Variants in FGFR3 observed in about 807,000 individuals in gnomAD.
FGFR3 encodes the protein fibroblast growth factor receptor 3.
A neutral mutation model predicts 82.9 loss-of-function variants in FGFR3; 25 were observed. The observed-to-expected ratio is 0.30, with a 90% CI of 0.22 to 0.42. The LOEUF (loss-of-function observed/expected upper bound fraction) is 0.42. Ranked by LOEUF, FGFR3 falls within the 10% of genes least tolerant of loss-of-function variation. The pLI is 1.00. For synonymous variants in FGFR3, 620 were observed against 516.0 expected (o/e 1.20, Z -2.73); for missense variants, 1,026 against 1,161.0 (o/e 0.88, Z 1.69).
chr4:1,797,477 G>A (rs564422054), intron 2 of FGFR3, among the ~76,000 whole-genome samples: 2 of 152,290 alleles, frequency 1.3e-5, no homozygotes, highest in African/African-American at 2.4e-5. Context: ...TGTGTCCCCC[G>A]TCCCCCCGTG....
Position 1,807,021 on chromosome 4 carries a change from G to A in FGFR3, c.2274+87G>A. The stretch of plus-strand genomic sequence containing the variant: ...ATCCTGCCCCCCAGAGTGCTGAGGT[G>A]TGGGGCGGGCCTTCTGGGGCACAGC... On this transcript the variant is annotated intron_variant, in intron 17 of 17. Transcript: ENST00000440486. The A allele has an allele frequency of 3.2e-6, 5 of 1,551,588 alleles. No individual in the cohort carries two copies. The South Asian group carries it at 4.7e-5, about 15-fold the overall frequency.
At chr4:1,799,116 C>G in intron 2 of FGFR3, 138 bp from the exon 3 acceptor site, 1 of 1,226,516 alleles carries the variant, frequency 8.2e-7, no homozygotes, top group Non-Finnish European at 1.2e-6. Flanking sequence ...GACACAGTTT[C>G]CAGCCCCTGG....
At position 1,806,205 on chromosome 4, in the gene FGFR3, G is replaced by A. The variant is rs1374024058; in HGVS notation, c.1959+32G>A. ...CCGGCCCTGGGGTGCGGGGGTGGGGGTCATGCCAGTAGGACGCCTGGCGCC... is the reference window on the plus strand; with the variant it reads ...CCGGCCCTGGGGTGCGGGGGTGGGGATCATGCCAGTAGGACGCCTGGCGCC... On this transcript the variant is annotated intron_variant, in intron 14 of 17. Transcript: ENST00000440486. The A allele has an allele frequency of 5.0e-6, 8 of 1,612,754 alleles. No individual in the cohort carries two copies. The East Asian group carries it at 1.6e-4, about 31-fold the overall frequency.
rs1273393720 is a variant in FGFR3 at position 1,808,245 on chromosome 4, C to G, written c.*983C>G. 2 of 232,668 alleles carry G rather than the reference C, an allele frequency of 8.6e-6. No individual in the cohort carries two copies. Among genetic ancestry groups the G allele is most frequent in the Non-Finnish European group, 1.7e-5 (2 of 117,744 alleles). 14.4% of individuals were successfully genotyped at this position (232,668 alleles called of 1,614,324 possible). ...TTTATCCCGCCGATAGAGGGACGGC[C>G]AAGAATGTACGTCCAGCCTGCCCCG... is the stretch of plus-strand genomic sequence containing the variant. On this transcript the variant is annotated 3_prime_UTR_variant, in exon 18 of 18. Transcript: ENST00000440486.
Position 1,807,443 on chromosome 4 carries a change from G to C in FGFR3, c.*181G>C, listed in dbSNP as rs1368752075. On this transcript the variant is annotated 3_prime_UTR_variant, in exon 18 of 18. Transcript: ENST00000440486. ...TGCACATCCGCGTGTGCCTGTGTGC[G>C]TGCGCATCTTGCCTCCAGGTGCAGA... The C allele has an allele frequency of 1.0e-6, 1 of 964,392 alleles. No individual in the cohort carries two copies. The highest frequency in any genetic ancestry group is 2.6e-5 in the East Asian group (1 of 38,302). 59.7% of individuals were successfully genotyped at this position (964,392 alleles called of 1,614,324 possible). A position where few individuals can be genotyped will look rare whatever the true frequency, so the allele number is the denominator to read the frequency against.
rs1721475085 is a variant in FGFR3 at position 1,803,575 on chromosome 4, G to A, written c.931-117G>A. ...GGCGGTGACCAAGTTGGCGGTGGCT[G>A]AGGAGTTGGTGGTGGCGGCGTTTTC... On this transcript the variant is annotated intron_variant, in intron 7 of 17. Transcript: ENST00000440486. 5 of 1,507,922 alleles carry A rather than the reference G, an allele frequency of 3.3e-6. No homozygotes were observed. In the African/African-American group the frequency reaches 5.5e-5, roughly 17 times the overall value. The allele number at this position is 1,507,922 out of a possible 1,614,324, so 93.4% of individuals were successfully genotyped here.
intron 2 of FGFR3, among the ~76,000 whole-genome samples, chr4:1,794,416 G>A (rs2108753711): frequency 6.6e-6 from 1 of 152,308 alleles, no homozygotes; most frequent in Admixed American, 6.5e-5. Context: ...CATTGTTGGC[G>A]TCCCCCTCCC....
At chr4:1,793,670 G>C (rs1720103637) in intron 1 of FGFR3, among the ~76,000 whole-genome samples, 163 bp from the exon 2 acceptor site, 1 of 149,110 alleles carries the variant, frequency 6.7e-6, no homozygotes, top group South Asian at 2.1e-4. Context: ...GGGAGGGACC[G>C]CGGCGGGGAG....
At position 1,794,000 on chromosome 4, in the gene FGFR3, G is replaced by C. The variant is rs941491218; in HGVS notation, c.66G>C (p.Ser22=). 8 of 1,395,354 alleles carry C rather than the reference G, an allele frequency of 5.7e-6. No homozygotes were observed. In the African/African-American group the frequency reaches 1.2e-4, roughly 21 times the overall value. 86.4% of individuals were successfully genotyped at this position (1,395,354 alleles called of 1,614,324 possible). Residue 22 remains serine (S), a synonymous_variant, in exon 2 of 18, where the codon TCG becomes TCC. Coordinates refer to ENST00000440486, the MANE Select transcript of FGFR3 (RefSeq NM_000142.5). ...VAVAIVAGAS[S]ESLGTEQRVV... Reference sequence around the variant, plus strand: ...TGGCCATCGTGGCCGGCGCCTCCTCGGAGTCCTTGGGGACGGAGCAGCGCG... The same window carrying C: ...TGGCCATCGTGGCCGGCGCCTCCTCCGAGTCCTTGGGGACGGAGCAGCGCG...
rs538859353 is a variant in FGFR3 at position 1,805,826 on chromosome 4, C to A, written c.1722C>A (p.Gly574=). Residue 574 remains glycine, a synonymous_variant, in exon 13 of 18, where the codon GGC becomes GGA. Transcript: ENST00000440486. ...TTCTGCGGGCGCGGCGGCCCCCGGG[C>A]CTGGACTACTCCTTCGACACCTGCA... The part of the protein sequence containing the change: ...REFLRARRPP[G]LDYSFDTCKP... 8.7e-6 allele frequency: 14 copies of A among 1,612,432 alleles called. No individual in the cohort carries two copies. In the African/African-American group the frequency reaches 1.5e-4, roughly 17 times the overall value.
At chr4:1,803,901 A>G in intron 8 of FGFR3, 65 bp downstream of exon 8, 2 of 1,531,514 alleles carry the variant, frequency 1.3e-6, no homozygotes, top group South Asian at 2.2e-5. Flanking sequence ...GGACACGCCA[A>G]AGCTGCCAGG....
At chr4:1,803,539 C>T (rs1295088401) in intron 7 of FGFR3, among the ~76,000 whole-genome samples, 153 bp from the exon 8 acceptor site, 1 of 152,250 alleles carries the variant, frequency 6.6e-6, no homozygotes, top group South Asian at 2.1e-4. Context: ...GCGGAGGGCC[C>T]TCAGCCGCGT....
At chr4:1,800,593 G>A (rs1035115166) in intron 4 of FGFR3, among the ~76,000 whole-genome samples, 5 of 152,124 alleles carry the variant, frequency 3.3e-5, no homozygotes, top group Non-Finnish European at 5.9e-5. Flanking sequence ...GCTCAGCACC[G>A]TGGGGTGCCT....
rs535655523 is a variant in FGFR3 at position 1,805,019 on chromosome 4, G to A, written c.1412+50G>A. The A allele has an allele frequency of 3.8e-4, 567 of 1,509,460 alleles. 6 individuals carry two copies. The South Asian group carries it at 6.7e-3, about 18-fold the overall frequency. The allele number at this position is 1,509,460 out of a possible 1,614,324, so 93.5% of individuals were successfully genotyped here. On this transcript the variant is annotated intron_variant, in intron 10 of 17. Transcript: ENST00000440486. ...TGGCTGTAGGGGGCTTGGTGGTGGG[G>A]GTGAAACAGCCACCAGTCAGAGGCC...
In FGFR3 at chr4:1,808,008, G is replaced by T. The variant is rs551428212; in HGVS notation, c.*746G>T. On this transcript the variant is annotated 3_prime_UTR_variant, in exon 18 of 18. Transcript: ENST00000440486. ...ATGGCCCTGGGCGGGGCGTGGGGGG[G>T]CGTGGAGGGAGGCCCCAGGGGGTCT... The T allele has an allele frequency of 1.5e-4, 36 of 239,846 alleles. No individual in the cohort carries two copies. Among genetic ancestry groups the T allele is most frequent in the African/African-American group, 7.9e-4 (36 of 45,414 alleles). 14.9% of individuals were successfully genotyped at this position (239,846 alleles called of 1,614,324 possible). A position where few individuals can be genotyped will look rare whatever the true frequency, so the allele number is the denominator to read the frequency against.
At position 1,801,935 on chromosome 4, in the gene FGFR3, C is replaced by T. The variant is rs776706695; in HGVS notation, c.840C>T (p.Asp280=). The change falls in exon 7 of 18, where the codon GAC becomes GAT. Residue 280 remains aspartate (D), a synonymous_variant. Transcript: ENST00000440486. ...AGTTCCACTGCAAGGTGTACAGTGA[C>T]GCACAGCCCCACATCCAGTGGCTCA... is the stretch of plus-strand genomic sequence containing the variant. The part of the protein sequence containing the change: ...DVEFHCKVYS[D]AQPHIQWLKH... The T allele has an allele frequency of 1.1e-5, 17 of 1,612,652 alleles. No individual in the cohort carries two copies. Among genetic ancestry groups the T allele is most frequent in the East Asian group, 6.7e-5 (3 of 44,878 alleles).
rs201136923 is a variant in FGFR3 at position 1,804,356 on chromosome 4, G to A, written c.1102G>A (p.Glu368Lys). ...PAEEELVEADEAGSVYAGILS... is the reference protein window; with the variant it reads ...PAEEELVEADKAGSVYAGILS... ...CGAGGAGGAGCTGGTGGAGGCTGACGAGGCGGGCAGTGTGTATGCAGGCAT... is the reference window on the plus strand; with the variant it reads ...CGAGGAGGAGCTGGTGGAGGCTGACAAGGCGGGCAGTGTGTATGCAGGCAT... The change falls in exon 9 of 18, where the codon GAG becomes AAG. Residue 368 changes from glutamate (E) to lysine (K), a missense_variant. Around this residue, in one of 9 missense-constraint regions of FGFR3, gnomAD observed 256 missense variants for 217.6 expected, o/e 1.18. Transcript: ENST00000440486. The A allele has an allele frequency of 1.1e-4, 174 of 1,611,102 alleles. No homozygotes were observed. Among genetic ancestry groups the A allele is most frequent in the Non-Finnish European group, 1.4e-4 (167 of 1,178,860 alleles).
intron 7 of FGFR3, chr4:1,803,150 C>T (rs780846333): frequency 2.6e-4 from 357 of 1,374,014 alleles, no homozygotes; most frequent in Non-Finnish European, 3.2e-4. Flanking sequence ...GCACGCCCAG[C>T]CCTGCTCGCT....
At position 1,801,709 on chromosome 4, in the gene FGFR3, C is replaced by T. The variant is rs1489343958; in HGVS notation, c.705C>T (p.Gly235=). 1.1e-5 allele frequency: 18 copies of T among 1,609,390 alleles called. No individual in the cohort carries two copies. In the African/African-American group the frequency reaches 1.6e-4, roughly 14 times the overall value. The part of the protein sequence containing the change: ...NYTCVVENKF[G]SIRQTYTLDV... ...CCTGCGTCGTGGAGAACAAGTTTGG[C>T]AGCATCCGGCAGACGTACACGCTGG... Residue 235 remains glycine, a synonymous_variant, in exon 6 of 18, where the codon GGC becomes GGT. Transcript: ENST00000440486.
Sources: allele counts gnomAD v4.1 joint callset (sites outside exome capture counted in the v4.1 genomes callset), GRCh38; gene constraint gnomAD v4.1.1; regional missense constraint gnomAD v4.1.1; transcripts MANE v1.5; gene names NCBI Gene and HGNC (gene_info 2026-07-23, HGNC 2026-07-21).